Variants in RAVER2 observed in about 807,000 individuals in gnomAD.
RAVER2 encodes ribonucleoprotein PTB-binding 2.
RAVER2 carries 46 observed loss-of-function variants against 78.1 expected under a neutral mutation model. The ratio of observed to expected loss-of-function variants is 0.59; its 90% CI spans 0.46 to 0.75. The LOEUF (loss-of-function observed/expected upper bound fraction) is 0.75, where lower values mean the gene tolerates loss of function less well. Ranked by LOEUF, RAVER2 falls within the 30% of genes least tolerant of loss-of-function variation. RAVER2 has a pLI of 0.00. For missense variants in RAVER2, 793 were observed against 837.5 expected (o/e 0.95, Z 0.66); for synonymous variants, 311 against 313.3 (o/e 0.99, Z 0.08).
At chr1:64,763,917 TAC>T (rs58298918) in intron 1 of RAVER2, among the ~76,000 whole-genome samples, 2,205 of 133,608 alleles carry the variant, frequency 0.017, 40 homozygotes, top group South Asian at 0.052. Context: ...AAAACAAAAA[TAC>T]ACACACACAC....
chr1:64,806,142 A>G (rs2100876222), intron 8 of RAVER2, among the ~76,000 whole-genome samples: 1 of 152,368 alleles, frequency 6.6e-6, no homozygotes, highest in Middle Eastern at 3.4e-3. Flanking sequence ...AGCTTTTTCC[A>G]TTTAATTTTG....
intron 11 of RAVER2, among the ~76,000 whole-genome samples, chr1:64,822,822 G>A (rs755805441): frequency 6.6e-6 from 1 of 152,138 alleles, no homozygotes; most frequent in African/African-American, 2.4e-5. Context: ...ACAAAATGTG[G>A]TAATATCCAC....
chr1:64,805,124 C>T lies in RAVER2; in HGVS notation c.1411+19C>T, dbSNP rs746846461. 1.3e-6 allele frequency: 2 copies of T among 1,592,216 alleles called. No homozygotes were observed. The highest frequency in any genetic ancestry group is 1.7e-6 in the Non-Finnish European group (2 of 1,160,952). On this transcript the variant is annotated intron_variant, in intron 8 of 11. Transcript: ENST00000294428. The stretch of plus-strand genomic sequence containing the variant: ...CATAAAAGTAAATGATGTGTATTTA[C>T]TGAGAAGTCAGTAAACAGTCAGGTT...
intron 9 of RAVER2, among the ~76,000 whole-genome samples, chr1:64,810,962 A>G (rs1653586447): frequency 6.6e-6 from 1 of 152,208 alleles, no homozygotes; most frequent in South Asian, 2.1e-4. Context: ...AATATTGAAA[A>G]AATTAAGAAA....
intron 11 of RAVER2, among the ~76,000 whole-genome samples, chr1:64,828,153 A>G (rs1557609333): frequency 1.0e-5 from 1 of 98,800 alleles, no homozygotes; most frequent in African/African-American, 3.7e-5. Flanking sequence ...TACCTTTCAA[A>G]CCCACCCCCC....
rs947128324 is a variant in RAVER2 at position 64,802,907 on chromosome 1, C to T, written c.1106-69C>T. 12 of 1,024,608 alleles carry T rather than the reference C, an allele frequency of 1.2e-5. No individual in the cohort carries two copies. The African/African-American group carries it at 1.5e-4, about 13-fold the overall frequency. The allele number at this position is 1,024,608 out of a possible 1,614,324, so 63.5% of individuals were successfully genotyped here. Reference sequence around the variant, plus strand: ...TAAAGAAATATTCATTTACCCTTTTCGAAGCTTGGTTTTTAAAAATTTTTA... The same window carrying T: ...TAAAGAAATATTCATTTACCCTTTTTGAAGCTTGGTTTTTAAAAATTTTTA... On this transcript the variant is annotated intron_variant, in intron 5 of 11. Coordinates refer to ENST00000294428, the Ensembl canonical transcript of RAVER2.
In RAVER2 at chr1:64,804,948, T is replaced by C; in HGVS notation, c.1297-43T>C. On this transcript the variant is annotated intron_variant, in intron 7 of 11. Coordinates refer to ENST00000294428, the Ensembl canonical transcript of RAVER2. ...CACGTGTGTAGCTTTTTTTAGGTTA[T>C]ATCTTATGGCCATGGGTCTTACCTT... 2.5e-6 allele frequency: 4 copies of C among 1,580,282 alleles called. No homozygotes were observed. The South Asian group carries it at 3.4e-5, about 13-fold the overall frequency.
intron 11 of RAVER2, among the ~76,000 whole-genome samples, chr1:64,818,720 G>C (rs1433189832): frequency 6.6e-6 from 1 of 152,138 alleles, no homozygotes; most frequent in Non-Finnish European, 1.5e-5. Context: ...GATGGAGAAA[G>C]CTGCAGTCTC....
chr1:64,830,782 T>C (rs1654107548), intron 11 of RAVER2, 57 bp from the exon 12 acceptor site: 1 of 1,442,936 alleles, frequency 6.9e-7, no homozygotes, highest in Non-Finnish European at 9.5e-7. Flanking sequence ...ATAAATATCT[T>C]TAATGAATAA....
chr1:64,790,058 G>C (rs1652893075), intron 5 of RAVER2, among the ~76,000 whole-genome samples: 1 of 152,048 alleles, frequency 6.6e-6, no homozygotes, highest in South Asian at 2.1e-4. Context: ...TCTTTCTCTA[G>C]TAAGAGCTTA....
At chr1:64,832,060 C>T (rs540181345) in exon 12 of RAVER2, 2 of 152,654 alleles carry the variant, frequency 1.3e-5, no homozygotes, top group Admixed American at 6.5e-5. Flanking sequence ...GACCTTTAGC[C>T]TTTAGACAGA....
intron 1 of RAVER2, among the ~76,000 whole-genome samples, chr1:64,763,245 C>T (rs576986874): frequency 9.2e-5 from 14 of 151,906 alleles, no homozygotes; most frequent in African/African-American, 2.9e-4. Context: ...TGCAGTGAGC[C>T]GAGATCATGC....
At position 64,807,068 on chromosome 1, in the gene RAVER2, A is replaced by G. The variant is rs1025151729; in HGVS notation, c.1412-138A>G. ...AGGAACCCACTAATTAACAACCTCTAACCTTACCTTTTGCTGTTATCTAAC... is the reference window on the plus strand; with the variant it reads ...AGGAACCCACTAATTAACAACCTCTGACCTTACCTTTTGCTGTTATCTAAC... On this transcript the variant is annotated intron_variant, in intron 8 of 11. Coordinates refer to ENST00000294428, the Ensembl canonical transcript of RAVER2. 1.5e-5 allele frequency: 15 copies of G among 1,001,486 alleles called. No individual in the cohort carries two copies. The African/African-American group carries it at 2.4e-4, about 16-fold the overall frequency. 62.0% of individuals were successfully genotyped at this position (1,001,486 alleles called of 1,614,324 possible).
chr1:64,790,850 C>T (rs1265262583), intron 5 of RAVER2, among the ~76,000 whole-genome samples: 3 of 152,166 alleles, frequency 2.0e-5, no homozygotes, highest in Non-Finnish European at 4.4e-5. Flanking sequence ...TCACCTACTG[C>T]AATTCAATTC....
chr1:64,776,041 A>C (rs1652453769), intron 2 of RAVER2, among the ~76,000 whole-genome samples: 2 of 151,582 alleles, frequency 1.3e-5, no homozygotes, highest in Admixed American at 6.6e-5. Flanking sequence ...AAAAAAAGGA[A>C]AGAAAGTTAA....
intron 11 of RAVER2, among the ~76,000 whole-genome samples, chr1:64,821,595 T>C (rs1381559204): frequency 1.3e-5 from 2 of 152,182 alleles, no homozygotes; most frequent in African/African-American, 2.4e-5. Flanking sequence ...TGGAACAGAA[T>C]AGAGAGCCCA....
intron 11 of RAVER2, among the ~76,000 whole-genome samples, chr1:64,830,006 A>G (rs1269673480): frequency 6.6e-6 from 1 of 152,194 alleles, no homozygotes; most frequent in African/African-American, 2.4e-5. Flanking sequence ...TTGTTGGTTC[A>G]AAAACAATTG....
intron 1 of RAVER2, among the ~76,000 whole-genome samples, chr1:64,757,247 T>C (rs1651880276): frequency 1.3e-5 from 2 of 152,176 alleles, no homozygotes; most frequent in South Asian, 4.1e-4. Context: ...AATCAGCCAT[T>C]TCATGAAGGT....
chr1:64,759,431 G>A (rs1651952393), intron 1 of RAVER2, among the ~76,000 whole-genome samples: 1 of 151,290 alleles, frequency 6.6e-6, no homozygotes, highest in South Asian at 2.1e-4. Flanking sequence ...GTGTTAGCCA[G>A]AATGGTTTCG....
Sources: allele counts gnomAD v4.1 joint callset (sites outside exome capture counted in the v4.1 genomes callset), GRCh38; gene constraint gnomAD v4.1.1; transcripts MANE v1.5; gene names NCBI Gene and HGNC (gene_info 2026-07-23, HGNC 2026-07-21).